CCDC102B: variants seen among roughly 807,000 people sequenced by gnomAD.
CCDC102B encodes coiled-coil domain-containing protein 102B.
In CCDC102B, 75 loss-of-function variants were observed where a neutral mutation model predicts 57.4. The ratio of observed to expected loss-of-function variants is 1.31; its 90% CI spans 1.08 to 1.58. The LOEUF (loss-of-function observed/expected upper bound fraction) is 1.58, where lower values mean the gene tolerates loss of function less well. Ranked by LOEUF, CCDC102B falls within the 40% of genes most tolerant of loss-of-function variation. CCDC102B has a pLI of 0.00. For missense variants in CCDC102B, 636 were observed against 582.6 expected, an observed-to-expected ratio of 1.09 and a Z score of -0.94; for synonymous variants, 206 against 201.9, an observed-to-expected ratio of 1.02 and a Z score of -0.17.
At position 68,804,502 on chromosome 18, in the gene CCDC102B, T is replaced by A. The variant is rs550220997; in HGVS notation, c.-16+6321T>A. Among the ~76,000 whole-genome samples, 308 of 152,202 alleles carry A rather than the reference T, an allele frequency of 2.0e-3. 3 individuals are homozygous for A. Among genetic ancestry groups the A allele is most frequent in the African/African-American group, 7.2e-3 (299 of 41,538 alleles). ...CCAGAGCAATTACCCCAGCCTGAAG[T>A]CTCAGTGTTGGAGCGCTTGCAGTCA... On this transcript the variant is annotated intron_variant, in intron 1 of 7. Transcript: ENST00000360242.
chr18:68,934,960 TG>T (rs927456532), intron 6 of CCDC102B, among the ~76,000 whole-genome samples: 1 of 151,880 alleles, frequency 6.6e-6, no homozygotes, highest in African/African-American at 2.4e-5. Context: ...TGGCTACATT[TG>T]ATATTTGGGT....
chr18:68,815,904 A>C (rs532454267), intron 1 of CCDC102B, among the ~76,000 whole-genome samples: 2 of 152,298 alleles, frequency 1.3e-5, no homozygotes, highest in South Asian at 4.1e-4. Context: ...AATCAGTTTG[A>C]GTTTTATTTC....
intron 6 of CCDC102B, among the ~76,000 whole-genome samples, chr18:68,941,113 C>T (rs1169083036): frequency 1.3e-5 from 2 of 149,892 alleles, no homozygotes; most frequent in African/African-American, 4.9e-5. Flanking sequence ...ACTAAAATCA[C>T]CATGCCTTAT....
At chr18:69,044,647 G>C (rs1217819808) in intron 7 of CCDC102B, among the ~76,000 whole-genome samples, 1 of 152,164 alleles carries the variant, frequency 6.6e-6, no homozygotes, top group Non-Finnish European at 1.5e-5. Flanking sequence ...GTGTGAGATA[G>C]TTTAACATTA....
At chr18:68,733,410 A>T (rs998016793) in intron 2 of CCDC102B, among the ~76,000 whole-genome samples, 1 of 150,492 alleles carries the variant, frequency 6.6e-6, no homozygotes, top group Admixed American at 6.6e-5. Context: ...GCAAACAGGG[A>T]TGAGAAGATA....
chr18:68,942,222 T>C (rs937385324), intron 6 of CCDC102B, among the ~76,000 whole-genome samples: 1 of 151,956 alleles, frequency 6.6e-6, no homozygotes, highest in African/African-American at 2.4e-5. Context: ...ACTTTAAGAG[T>C]CCATGTATTT....
At chr18:68,931,779 G>T (rs984255989) in intron 6 of CCDC102B, among the ~76,000 whole-genome samples, 3 of 151,850 alleles carry the variant, frequency 2.0e-5, no homozygotes, top group Non-Finnish European at 4.4e-5. Flanking sequence ...GCCTGGAAGT[G>T]GCAGGTACCT....
chr18:68,939,557 A>G (rs1376847930), intron 6 of CCDC102B, among the ~76,000 whole-genome samples: 1 of 151,716 alleles, frequency 6.6e-6, no homozygotes, highest in South Asian at 2.1e-4. Context: ...TTTCCATTTC[A>G]TGGCCGAAAT....
chr18:68,762,209 T>C (rs1318342213), intron 2 of CCDC102B, among the ~76,000 whole-genome samples: 3 of 152,132 alleles, frequency 2.0e-5, no homozygotes, highest in Non-Finnish European at 4.4e-5. Context: ...TGAAATTTTG[T>C]GGTGTTGCTC....
chr18:68,849,054 T>C (rs2038004718), intron 4 of CCDC102B, among the ~76,000 whole-genome samples: 1 of 152,118 alleles, frequency 6.6e-6, no homozygotes, highest in African/African-American at 2.4e-5. Context: ...TAATATTATT[T>C]CATAAATATT....
intron 6 of CCDC102B, among the ~76,000 whole-genome samples, chr18:68,976,985 A>G (rs1476324263): frequency 6.6e-6 from 1 of 152,020 alleles, no homozygotes; most frequent in Non-Finnish European, 1.5e-5. Context: ...AACACTATGC[A>G]TATCGTCTTT....
chr18:68,808,468 CTT>C lies in CCDC102B; in HGVS notation c.-16+10311_-16+10312del, dbSNP rs1157601164. Reference sequence around the variant, plus strand: ...CATTGTTATTTCATTGCTTTTACTACTTTTTTTTTTTTTTTTTTTTTTTTTGT... The same window carrying C: ...CATTGTTATTTCATTGCTTTTACTACTTTTTTTTTTTTTTTTTTTTTTTGT... On this transcript the variant is annotated intron_variant, in intron 1 of 7. Transcript: ENST00000360242. Among the ~76,000 whole-genome samples the C allele has an allele frequency of 7.8e-3, 719 of 91,596 alleles. 1 individual carries two copies. The highest frequency in any genetic ancestry group is 0.04 in the East Asian group (111 of 2,810). The allele number at this position is 91,596 out of a possible 152,430, so 60.1% of individuals were successfully genotyped here.
At chr18:68,751,974 CATCA>C (rs1413223074) in intron 2 of CCDC102B, among the ~76,000 whole-genome samples, 1 of 152,072 alleles carries the variant, frequency 6.6e-6, no homozygotes, top group Admixed American at 6.6e-5. Flanking sequence ...GACAGAAACG[CATCA>C]AGGTCGGGCA....
chr18:68,836,511 C>T lies in CCDC102B; in HGVS notation c.-15-238C>T, dbSNP rs115459941. ...GGCGTGGTTGCGCATGCCTGTAGTCCGAGCTACTCAGTAGACTGAGGCAAG... is the reference window on the plus strand; with the variant it reads ...GGCGTGGTTGCGCATGCCTGTAGTCTGAGCTACTCAGTAGACTGAGGCAAG... On this transcript the variant is annotated intron_variant, in intron 1 of 7. Transcript: ENST00000360242. 6.4e-3 allele frequency among the ~76,000 whole-genome samples: 978 copies of T among 151,652 alleles called. 13 individuals carry two copies. Among genetic ancestry groups the T allele is most frequent in the African/African-American group, 0.023 (932 of 41,352 alleles).
chr18:68,964,649 G>A (rs1175520023), intron 6 of CCDC102B, among the ~76,000 whole-genome samples: 1 of 151,700 alleles, frequency 6.6e-6, no homozygotes, highest in East Asian at 1.9e-4. Context: ...TATATTTAAA[G>A]TGAAGTAAGT....
chr18:68,782,354 A>G (rs2035033948), intron 2 of CCDC102B, among the ~76,000 whole-genome samples: 2 of 152,130 alleles, frequency 1.3e-5, no homozygotes, highest in South Asian at 4.1e-4. Context: ...ATATATATAT[A>G]TATACACATA....
chr18:68,723,902 A>G (rs2032475342), intron 2 of CCDC102B, among the ~76,000 whole-genome samples: 1 of 152,180 alleles, frequency 6.6e-6, no homozygotes, highest in African/African-American at 2.4e-5. Flanking sequence ...CTGTGATGAA[A>G]CATTTCCCTT....
At chr18:68,801,265 C>G (rs937055456) in intron 1 of CCDC102B, among the ~76,000 whole-genome samples, 1 of 152,072 alleles carries the variant, frequency 6.6e-6, no homozygotes, top group Non-Finnish European at 1.5e-5. Context: ...GTGCTCCATC[C>G]TCAGTGCCCT....
intron 1 of CCDC102B, among the ~76,000 whole-genome samples, chr18:68,803,710 A>G (rs9963304): frequency 0.064 from 9,773 of 152,150 alleles, 832 homozygotes; most frequent in African/African-American, 0.2. Flanking sequence ...AAGTAATTGC[A>G]TTTTTTGCCA....
Sources: gnomAD v4.1 joint callset for allele counts (sites outside exome capture counted in the v4.1 genomes callset) on GRCh38, gnomAD v4.1.1 for gene constraint, MANE v1.5 for transcripts, NCBI Gene and HGNC (gene_info 2026-07-23, HGNC 2026-07-21) for gene names.